The following ZNF385D variants were observed in gnomAD, a reference collection of about 807,000 sequenced individuals.
ZNF385D encodes zinc finger protein 385D.
A neutral mutation model predicts 35.8 loss-of-function variants in ZNF385D; 15 were observed. The observed-to-expected ratio is 0.42, with a 90% CI of 0.28 to 0.64. The LOEUF (loss-of-function observed/expected upper bound fraction) is 0.64, where lower values mean the gene tolerates loss of function less well. Among genes scored for constraint, ZNF385D ranks in the 30% least tolerant of loss-of-function variants. The pLI is 0.23. For missense variants in ZNF385D, 474 were observed against 494.6 expected (o/e 0.96, Z 0.39); for synonymous variants, 212 against 186.8 (o/e 1.13, Z -1.10).
At chr3:21,585,777 C>G (rs982547173) in intron 2 of ZNF385D, among the ~76,000 whole-genome samples, 4 of 152,090 alleles carry the variant, frequency 2.6e-5, no homozygotes, top group African/African-American at 9.7e-5. Context: ...TCATATAAAT[C>G]CACAAAGGAA....
intron 3 of ZNF385D, among the ~76,000 whole-genome samples, chr3:22,021,078 T>C (rs75002992): frequency 0.052 from 7,819 of 151,786 alleles, 688 homozygotes; most frequent in African/African-American, 0.17. Flanking sequence ...CCCATGGACA[T>C]AGAGAGTGAA....
intron 3 of ZNF385D, among the ~76,000 whole-genome samples, chr3:21,953,355 T>C (rs1198112219): frequency 1.3e-5 from 2 of 151,888 alleles, no homozygotes; most frequent in Non-Finnish European, 2.9e-5. Context: ...AAACGTAAAA[T>C]TGACTGGATC....
chr3:22,328,552 C>G (rs1377590032), intron 2 of ZNF385D, among the ~76,000 whole-genome samples: 1 of 151,892 alleles, frequency 6.6e-6, no homozygotes, highest in Non-Finnish European at 1.5e-5. Flanking sequence ...ATCATAAGAT[C>G]AAGATATCGA....
intron 4 of ZNF385D, among the ~76,000 whole-genome samples, chr3:21,481,380 G>A (rs1704616346): frequency 6.6e-6 from 1 of 152,144 alleles, no homozygotes; most frequent in Admixed American, 6.6e-5. Context: ...GAACCCAAGG[G>A]TCAACAGAGT....
At chr3:22,026,292 G>T (rs918050834) in intron 3 of ZNF385D, among the ~76,000 whole-genome samples, 16 of 152,132 alleles carry the variant, frequency 1.1e-4, no homozygotes, top group Admixed American at 8.5e-4. Flanking sequence ...GAATGAAGGG[G>T]AGGCCAGAAC....
chr3:21,965,659 G>A (rs1576027974), intron 3 of ZNF385D, among the ~76,000 whole-genome samples: 1 of 152,204 alleles, frequency 6.6e-6, no homozygotes, highest in South Asian at 2.1e-4. Context: ...GACATTACCA[G>A]AACAACTGAC....
chr3:21,620,042 C>T (rs2064958593), intron 2 of ZNF385D, among the ~76,000 whole-genome samples: 1 of 152,128 alleles, frequency 6.6e-6, no homozygotes, highest in African/African-American at 2.4e-5. Flanking sequence ...AAACCTAATG[C>T]ACCGGTATGA....
chr3:21,425,635 C>T lies in ZNF385D; in HGVS notation c.709G>A (p.Gly237Arg), dbSNP rs1401991191. Residue 237 changes from glycine (G) to arginine (R), a missense_variant, in exon 6 of 8, where the codon GGA becomes AGA. Physicochemically the swap from Gly to Arg is moderately radical, Grantham distance 125 (BLOSUM62 -2). Transcript: ENST00000281523. Reference protein sequence around the residue: ...KHKTMLEARNGSGTIKAFPRA... With the variant: ...KHKTMLEARNRSGTIKAFPRA... ...GGAAAGGCTTTGATAGTGCCACTTC[C>T]ATTCCGGGCTTCTAACATGGTTTTG... The T allele has an allele frequency of 6.3e-7, 1 of 1,596,770 alleles. No individual in the cohort carries two copies. The highest frequency in any genetic ancestry group is 1.1e-5 in the South Asian group (1 of 88,624).
chr3:22,359,581 T>A (rs995407335), intron 2 of ZNF385D, among the ~76,000 whole-genome samples: 5 of 151,818 alleles, frequency 3.3e-5, no homozygotes, highest in African/African-American at 1.2e-4. Context: ...TTGTAACTCA[T>A]TGTGTGTCAA....
At chr3:21,940,366 G>A (rs945064975) in intron 3 of ZNF385D, among the ~76,000 whole-genome samples, 17 of 152,110 alleles carry the variant, frequency 1.1e-4, no homozygotes, top group Admixed American at 3.9e-4. Flanking sequence ...CACGTTCTTC[G>A]TCTGTCAAAT....
intron 1 of ZNF385D, among the ~76,000 whole-genome samples, chr3:21,721,747 T>C (rs17619837): frequency 0.045 from 6,918 of 152,284 alleles, 208 homozygotes; most frequent in South Asian, 0.1. Context: ...AGGATCATCA[T>C]GGAGTCTGGA....
rs60680940 is a variant in ZNF385D at position 22,199,045 on chromosome 3, T to C, written c.107-30010A>G. Among the ~76,000 whole-genome samples the C allele has an allele frequency of 7.7e-3, 1,176 of 152,234 alleles. 18 individuals are homozygous for C. Among genetic ancestry groups the C allele is most frequent in the African/African-American group, 0.027 (1,111 of 41,554 alleles). ...GATCTTTACAAGTATCTATGCTTAT[T>C]GATTGGTCTCGTATTTTACTTCTGC... On this transcript the variant is annotated intron_variant, in intron 2 of 5. Transcript: ENST00000494108.
chr3:22,092,810 T>C (rs1701401717), intron 3 of ZNF385D, among the ~76,000 whole-genome samples: 2 of 152,160 alleles, frequency 1.3e-5, no homozygotes, highest in Admixed American at 6.5e-5. Context: ...ACAGTTTTGA[T>C]ATTTTTAGTT....
At chr3:21,782,180 G>A (rs778203480) in intron 3 of ZNF385D, among the ~76,000 whole-genome samples, 1 of 152,062 alleles carries the variant, frequency 6.6e-6, no homozygotes, top group Admixed American at 6.6e-5. Flanking sequence ...GCTCCTGTGA[G>A]AGTTGTGCCT....
chr3:21,942,296 G>C (rs760956014), intron 3 of ZNF385D, among the ~76,000 whole-genome samples: 16 of 152,258 alleles, frequency 1.1e-4, no homozygotes, highest in Admixed American at 5.2e-4. Flanking sequence ...AATAAAAATA[G>C]ATTTGAATTC....
At chr3:22,210,655 C>T (rs998940283) in intron 2 of ZNF385D, among the ~76,000 whole-genome samples, 26 of 151,850 alleles carry the variant, frequency 1.7e-4, no homozygotes, top group Admixed American at 6.6e-5. Flanking sequence ...ATTTTTATTA[C>T]ACATCTTTCA....
At chr3:21,859,590 C>G (rs930610238) in intron 3 of ZNF385D, among the ~76,000 whole-genome samples, 1 of 151,270 alleles carries the variant, frequency 6.6e-6, no homozygotes, top group African/African-American at 2.4e-5. Context: ...GCAGGCCCAT[C>G]AATTCAGCTG....
At chr3:22,105,673 G>A (rs1702173094) in intron 3 of ZNF385D, among the ~76,000 whole-genome samples, 1 of 151,998 alleles carries the variant, frequency 6.6e-6, no homozygotes, top group African/African-American at 2.4e-5. Flanking sequence ...CAACCAGTAA[G>A]GCAGAGAATC....
At chr3:22,340,532 G>A (rs1695375943) in intron 2 of ZNF385D, among the ~76,000 whole-genome samples, 1 of 152,100 alleles carries the variant, frequency 6.6e-6, no homozygotes, top group South Asian at 2.1e-4. Flanking sequence ...TGTAATCCTA[G>A]CTACTTGGGA....
Sources: gnomAD v4.1 joint callset for allele counts (sites outside exome capture counted in the v4.1 genomes callset) on GRCh38, gnomAD v4.1.1 for gene constraint, MANE v1.5 for transcripts, NCBI Gene and HGNC (gene_info 2026-07-23, HGNC 2026-07-21) for gene names.